Variants in CTNNA3 observed in about 807,000 individuals in gnomAD.
CTNNA3 encodes catenin alpha 3.
Under a neutral mutation model 95.7 loss-of-function variants are expected in CTNNA3, and 76 were observed. The observed-to-expected ratio is 0.79, with a 90% confidence interval of 0.66 to 0.96. The LOEUF (loss-of-function observed/expected upper bound fraction) is 0.96, where lower values mean the gene tolerates loss of function less well. Ranked by LOEUF, CTNNA3 falls within the 40% of genes least tolerant of loss-of-function variation. The probability of loss-of-function intolerance (pLI) is 0.00; values close to 1 mark genes in which losing one functional copy is unlikely to be tolerated. For missense variants in CTNNA3, 1,191 were observed against 1,089.8 expected (o/e 1.09, Z -1.31); for synonymous variants, 431 against 374.4 (o/e 1.15, Z -1.74).
At chr10:66,964,139 C>T (rs910788097) in intron 7 of CTNNA3, among the ~76,000 whole-genome samples, 8 of 151,998 alleles carry the variant, frequency 5.3e-5, no homozygotes, top group Non-Finnish European at 8.8e-5. Flanking sequence ...TGTGAGCCAC[C>T]GCACCCAGCC....
intron 7 of CTNNA3, among the ~76,000 whole-genome samples, chr10:66,958,308 CAAAAAAAAAAAA>C (rs35076056): frequency 5.8e-5 from 5 of 86,946 alleles, no homozygotes; most frequent in African/African-American, 2.0e-4. Context: ...TGCTTTCTTG[CAAAAAAAAAAAA>C]AAAAAAAAAA....
chr10:66,841,791 C>T (rs1377609643), intron 7 of CTNNA3, among the ~76,000 whole-genome samples: 1 of 152,084 alleles, frequency 6.6e-6, no homozygotes, highest in Non-Finnish European at 1.5e-5. Flanking sequence ...ATGGGTAATA[C>T]ATTTTTTGAA....
chr10:66,975,214 A>C (rs1247190207), intron 7 of CTNNA3, among the ~76,000 whole-genome samples: 3 of 152,210 alleles, frequency 2.0e-5, no homozygotes, highest in Non-Finnish European at 2.9e-5. Flanking sequence ...TTATTTGATA[A>C]GAGGGAACAC....
chr10:66,414,886 T>C (rs1177991173), intron 11 of CTNNA3, among the ~76,000 whole-genome samples: 1 of 152,076 alleles, frequency 6.6e-6, no homozygotes, highest in African/African-American at 2.4e-5. Flanking sequence ...CCAGTGGTGC[T>C]GAAGCTGAGG....
chr10:66,506,311 T>C (rs1397430603), intron 11 of CTNNA3, among the ~76,000 whole-genome samples: 1 of 152,144 alleles, frequency 6.6e-6, no homozygotes, highest in Non-Finnish European at 1.5e-5. Flanking sequence ...ACTTGCCTTT[T>C]CCTATGGAAG....
chr10:66,270,394 G>A (rs979977002), intron 13 of CTNNA3, among the ~76,000 whole-genome samples: 3 of 152,008 alleles, frequency 2.0e-5, no homozygotes, highest in East Asian at 1.9e-4. Context: ...TTACAGAGAC[G>A]GGGGTTTCAC....
At chr10:66,846,266 T>C (rs1188828060) in intron 7 of CTNNA3, among the ~76,000 whole-genome samples, 2 of 152,036 alleles carry the variant, frequency 1.3e-5, no homozygotes, top group African/African-American at 2.4e-5. Flanking sequence ...GTCAAACTCA[T>C]AGAAGCAGAG....
chr10:66,795,813 C>G (rs956550011), intron 7 of CTNNA3, among the ~76,000 whole-genome samples: 1 of 152,182 alleles, frequency 6.6e-6, no homozygotes, highest in Non-Finnish European at 1.5e-5. Context: ...TCTACATTAG[C>G]ACTTGCTGCT....
chr10:67,354,974 A>G (rs1842761518), intron 5 of CTNNA3, among the ~76,000 whole-genome samples: 1 of 152,012 alleles, frequency 6.6e-6, no homozygotes, highest in Non-Finnish European at 1.5e-5. Context: ...TGAAAATTCT[A>G]GACCCATAAA....
At chr10:67,691,381 C>T (rs1840848915) in intron 1 of CTNNA3, among the ~76,000 whole-genome samples, 2 of 151,756 alleles carry the variant, frequency 1.3e-5, no homozygotes, top group Non-Finnish European at 2.9e-5. Flanking sequence ...AGCCCCTCTG[C>T]CTGGCTGCCC....
chr10:66,356,613 C>T (rs2092612809), intron 12 of CTNNA3, among the ~76,000 whole-genome samples: 1 of 151,674 alleles, frequency 6.6e-6, no homozygotes, highest in South Asian at 2.1e-4. Context: ...TTTCTTTTGC[C>T]TTATTGCACT....
chr10:67,104,535 A>G (rs751290973), intron 7 of CTNNA3, among the ~76,000 whole-genome samples: 2 of 151,960 alleles, frequency 1.3e-5, no homozygotes, highest in Admixed American at 1.3e-4. Context: ...ACATCTTGAA[A>G]AACATCTTCC....
At chr10:67,156,366 C>G (rs1201174857) in intron 7 of CTNNA3, among the ~76,000 whole-genome samples, 10 of 151,910 alleles carry the variant, frequency 6.6e-5, no homozygotes, top group Admixed American at 6.6e-4. Flanking sequence ...ATTTGAGATG[C>G]AAAGTTAGAT....
chr10:66,852,160 T>C (rs781463037), intron 7 of CTNNA3, among the ~76,000 whole-genome samples: 1 of 152,132 alleles, frequency 6.6e-6, no homozygotes, highest in Non-Finnish European at 1.5e-5. Flanking sequence ...CAAATGGTCA[T>C]GCAAAAAGTA....
chr10:66,124,834 C>A (rs1199024605), intron 13 of CTNNA3, among the ~76,000 whole-genome samples: 1 of 152,158 alleles, frequency 6.6e-6, no homozygotes, highest in African/African-American at 2.4e-5. Context: ...AAGACCCACC[C>A]TCTTAATTCC....
At chr10:66,838,021 G>A (rs908783162) in intron 7 of CTNNA3, among the ~76,000 whole-genome samples, 18 of 151,910 alleles carry the variant, frequency 1.2e-4, no homozygotes, top group Admixed American at 3.3e-4. Context: ...TTCATTATTC[G>A]TCTTCTCCCT....
chr10:67,481,831 T>C (rs998257779), intron 5 of CTNNA3, among the ~76,000 whole-genome samples: 2 of 152,196 alleles, frequency 1.3e-5, no homozygotes, highest in African/African-American at 4.8e-5. Flanking sequence ...CCCATGCCTA[T>C]GTCCTGAATG....
Position 65,916,136 on chromosome 10 carries a change from G to C in CTNNA3, c.*4194C>G, listed in dbSNP as rs1401993896. The C allele has an allele frequency of 2.6e-5, 4 of 151,862 alleles. No individual in the cohort carries two copies. Among genetic ancestry groups the C allele is most frequent in the Non-Finnish European group, 5.9e-5 (4 of 67,976 alleles). 9.4% of individuals were successfully genotyped at this position (151,862 alleles called of 1,614,324 possible). On this transcript the variant is annotated 3_prime_UTR_variant, in exon 18 of 18. Transcript: ENST00000433211. ...GAAAAGAGTCATAAAGAAAAAAATG[G>C]AATTTTCATATAAATAAAAACAGTA...
chr10:66,895,998 A>G (rs1257883512), intron 7 of CTNNA3, among the ~76,000 whole-genome samples: 1 of 151,724 alleles, frequency 6.6e-6, no homozygotes, highest in Admixed American at 6.6e-5. Flanking sequence ...TTGGGAGGCT[A>G]AGGCAGGAGA....
Sources: gnomAD v4.1 joint callset for allele counts (sites outside exome capture counted in the v4.1 genomes callset) on GRCh38, gnomAD v4.1.1 for gene constraint, MANE v1.5 for transcripts, NCBI Gene and HGNC (gene_info 2026-07-23, HGNC 2026-07-21) for gene names.